SLC29A3: variants seen among roughly 807,000 people sequenced by gnomAD.
The protein encoded by SLC29A3 is solute carrier family 29 member 3, also known as equilibrative nucleoside transporter 3.
Under a neutral mutation model 25.4 loss-of-function variants are expected in SLC29A3, and 18 were observed. The ratio of observed to expected loss-of-function variants is 0.71; its 90% CI spans 0.49 to 1.05. SLC29A3 has a LOEUF of 1.05. Among genes scored for constraint, SLC29A3 ranks in the 50% least tolerant of loss-of-function variants. SLC29A3 has a pLI of 0.00. For missense variants in SLC29A3, 586 were observed against 609.0 expected (o/e 0.96, Z 0.40); for synonymous variants, 258 against 267.1 (o/e 0.97, Z 0.33).
At position 71,374,742 on chromosome 10, in the gene SLC29A3, C is replaced by G. The variant is rs78486210; in HGVS notation, c.*95-953C>G. On this transcript the variant is annotated intron_variant and NMD_transcript_variant, in intron 3 of 4. Coordinates refer to the SLC29A3 transcript ENST00000642772. ...CTGGTGTAGAACCTGGATCCCCTAA[C>G]CTCCTTGGCTTGCCGCTAGCGTGTC... Among the ~76,000 whole-genome samples, 725 of 152,298 alleles carry G rather than the reference C, an allele frequency of 4.8e-3. 5 individuals carry two copies. The highest frequency in any genetic ancestry group is 7.9e-3 in the Non-Finnish European group (536 of 68,008).
chr10:71,362,047 A>G lies in SLC29A3; in HGVS notation c.867A>G (p.Arg289=). The change falls in exon 6 of 6, where the codon AGA becomes AGG. Residue 289 remains arginine (R), a synonymous_variant. Coordinates refer to ENST00000373189, the MANE Select transcript of SLC29A3 (RefSeq NM_018344.6). ...TCAGTGCCCCTTCGGTGGCCTCCAG[A>G]TTCATTGATTCCCACACACCCCCTC... ...DSLSAPSVAS[R]FIDSHTPPLR... The G allele has an allele frequency of 6.2e-7, 1 of 1,614,050 alleles. No homozygotes were observed. Among genetic ancestry groups the G allele is most frequent in the South Asian group, 1.1e-5 (1 of 91,066 alleles).
At chr10:71,358,535 T>C (rs1449083733) in intron 5 of SLC29A3, among the ~76,000 whole-genome samples, 1 of 152,226 alleles carries the variant, frequency 6.6e-6, no homozygotes, top group Non-Finnish European at 1.5e-5. Context: ...GTGCCCTGGC[T>C]GGCTCTCCAT....
intron 2 of SLC29A3, among the ~76,000 whole-genome samples, chr10:71,323,782 G>A (rs1487051804): frequency 1.3e-5 from 2 of 152,218 alleles, no homozygotes; most frequent in Admixed American, 6.5e-5. Context: ...GAGTTGGTGG[G>A]TTTCAAGAAA....
rs563643678 is a variant in SLC29A3, at chr10:71,340,454, C to G, written c.301-3755C>G. 7.9e-5 allele frequency among the ~76,000 whole-genome samples: 12 copies of G among 152,362 alleles called. No individual in the cohort carries two copies. The East Asian group carries it at 2.3e-3, about 29-fold the overall frequency. Reference sequence around the variant, plus strand: ...TTCTCATCCCCCAACTCCTCTATGGCTGGAGCTGGCCTTTGGGTCCATGTG... The same window carrying G: ...TTCTCATCCCCCAACTCCTCTATGGGTGGAGCTGGCCTTTGGGTCCATGTG... On this transcript the variant is annotated intron_variant, in intron 2 of 5. Transcript: ENST00000373189.
At chr10:71,336,176 C>G (rs751150748) in intron 2 of SLC29A3, among the ~76,000 whole-genome samples, 1 of 152,158 alleles carries the variant, frequency 6.6e-6, no homozygotes, top group Non-Finnish European at 1.5e-5. Context: ...GCAGCCTCTG[C>G]CTGTGTGTCT....
At chr10:71,369,212 C>G (rs1847192820) in intron 3 of SLC29A3, among the ~76,000 whole-genome samples, 1 of 152,230 alleles carries the variant, frequency 6.6e-6, no homozygotes, top group Admixed American at 6.5e-5. Flanking sequence ...CTTCCAGCCT[C>G]TAGAACTGTG....
chr10:71,363,833 G>C (rs1417423007), downstream of SLC29A3, among the ~76,000 whole-genome samples: 1 of 56,062 alleles, frequency 1.8e-5, no homozygotes, highest in African/African-American at 6.6e-5. Flanking sequence ...TTTTTGAGAT[G>C]AAGTCTTGCT....
intron 2 of SLC29A3, among the ~76,000 whole-genome samples, chr10:71,338,987 C>A (rs1482114007): frequency 6.6e-6 from 1 of 152,202 alleles, no homozygotes; most frequent in Admixed American, 6.5e-5. Flanking sequence ...AGACAGACAA[C>A]CTCAGCTAGA....
intron 3 of SLC29A3, among the ~76,000 whole-genome samples, chr10:71,375,335 G>A (rs1014255394): frequency 3.3e-5 from 5 of 152,194 alleles, no homozygotes; most frequent in African/African-American, 1.2e-4. Context: ...ATTAAACACA[G>A]AACTGCAGCA....
At chr10:71,351,845 G>A in intron 4 of SLC29A3, 57 bp downstream of exon 4, 1 of 1,492,910 alleles carries the variant, frequency 6.7e-7, no homozygotes, top group Non-Finnish European at 9.1e-7. Flanking sequence ...GTCATGGGAG[G>A]GAGCCAGAGA....
intron 4 of SLC29A3, among the ~76,000 whole-genome samples, chr10:71,376,333 T>G (rs1049493502): frequency 6.6e-6 from 1 of 152,242 alleles, no homozygotes; most frequent in Non-Finnish European, 1.5e-5. Flanking sequence ...ACAGGAAGAC[T>G]TGAAGTGAAA....
At chr10:71,327,948 C>T (rs562179301) in intron 2 of SLC29A3, among the ~76,000 whole-genome samples, 2 of 152,252 alleles carry the variant, frequency 1.3e-5, no homozygotes, top group Admixed American at 6.5e-5. Context: ...CCCCCAGGCT[C>T]TCCTGCAGGC....
intron 2 of SLC29A3, among the ~76,000 whole-genome samples, chr10:71,326,675 G>T (rs1363106878): frequency 6.6e-6 from 1 of 152,234 alleles, no homozygotes; most frequent in East Asian, 1.9e-4. Flanking sequence ...GCCTGGCTCT[G>T]GGAGCAGCCC....
intron 2 of SLC29A3, among the ~76,000 whole-genome samples, chr10:71,343,170 A>G (rs3781318): frequency 0.42 from 63,933 of 152,072 alleles, 13,553 homozygotes; most frequent in African/African-American, 0.43. Flanking sequence ...ACAGAGTCTC[A>G]CTATTTGCCC....
chr10:71,366,371 A>G (rs1408351891), downstream of SLC29A3: 1 of 152,150 alleles, frequency 6.6e-6, no homozygotes, highest in Non-Finnish European at 1.5e-5. Flanking sequence ...GTGAGAGAGA[A>G]ATGACTTAAA....
At position 71,362,027 on chromosome 10, in the gene SLC29A3, G is replaced by A; in HGVS notation, c.847G>A (p.Ala283Thr). Reference sequence around the variant, plus strand: ...GGAGCTTCCCCAGGACTCCCTCAGTGCCCCTTCGGTGGCCTCCAGATTCAT... The same window carrying A: ...GGAGCTTCCCCAGGACTCCCTCAGTACCCCTTCGGTGGCCTCCAGATTCAT... ...EEELPQDSLS[A>T]PSVASRFIDS... is the part of the protein sequence containing the mutation. Residue 283 changes from alanine to threonine, a missense_variant, in exon 6 of 6, where the codon GCC becomes ACC. Physicochemically the swap from Ala to Thr is moderately conservative, Grantham distance 58. Coordinates refer to ENST00000373189, the MANE Select transcript of SLC29A3 (RefSeq NM_018344.6). 6.2e-7 allele frequency: 1 copy of A among 1,614,092 alleles called. No individual in the cohort carries two copies. The highest frequency in any genetic ancestry group is 8.5e-7 in the Non-Finnish European group (1 of 1,180,004).
At chr10:71,358,992 C>G (rs1484875937) in intron 5 of SLC29A3, among the ~76,000 whole-genome samples, 2 of 152,298 alleles carry the variant, frequency 1.3e-5, no homozygotes, top group East Asian at 1.9e-4. Context: ...CTCACGGCAG[C>G]CTTTATCTCC....
intron 2 of SLC29A3, among the ~76,000 whole-genome samples, chr10:71,325,709 T>C (rs935678193): frequency 3.3e-5 from 5 of 152,052 alleles, no homozygotes; most frequent in Admixed American, 1.3e-4. Flanking sequence ...GCCCCTCAAC[T>C]CAAGGTGTGT....
chr10:71,369,243 T>G (rs1847193096), intron 3 of SLC29A3, among the ~76,000 whole-genome samples: 1 of 152,208 alleles, frequency 6.6e-6, no homozygotes. Flanking sequence ...TTCTATTGTA[T>G]AGAAGCCACC....
Sources: allele counts gnomAD v4.1 joint callset (sites outside exome capture counted in the v4.1 genomes callset), GRCh38; gene constraint gnomAD v4.1.1; transcripts MANE v1.5; gene names NCBI Gene and HGNC (gene_info 2026-07-23, HGNC 2026-07-21).